GALNT1: variants seen among roughly 807,000 people sequenced by gnomAD.
GALNT1 encodes polypeptide N-acetylgalactosaminyltransferase 1, also known as GalNAc transferase 1.
Under a neutral mutation model 65.7 loss-of-function variants are expected in GALNT1, and 17 were observed. The ratio of observed to expected loss-of-function variants is 0.26; its 90% CI spans 0.18 to 0.39. GALNT1 has a LOEUF of 0.39. GALNT1 is among the 10% of genes least tolerant of loss of function. The pLI is 1.00. For missense variants in GALNT1, 460 were observed against 672.8 expected (o/e 0.68, Z 3.50); for synonymous variants, 210 against 219.7 (o/e 0.96, Z 0.39).
intron 9 of GALNT1, among the ~76,000 whole-genome samples, chr18:35,697,952 T>TAA (rs1009845623): frequency 1.3e-5 from 2 of 152,192 alleles, no homozygotes; most frequent in African/African-American, 4.8e-5. Flanking sequence ...TGAAATAACT[T>TAA]AGATCTCCTA....
At chr18:35,664,880 A>G (rs1040353332) in intron 3 of GALNT1, among the ~76,000 whole-genome samples, 23 of 152,244 alleles carry the variant, frequency 1.5e-4, no homozygotes, top group African/African-American at 5.3e-4. Flanking sequence ...CTTTCTCATC[A>G]GAATTGGATA....
intron 1 of GALNT1, among the ~76,000 whole-genome samples, chr18:35,603,816 G>C (rs1205444560): frequency 6.6e-6 from 1 of 152,132 alleles, no homozygotes; most frequent in Non-Finnish European, 1.5e-5. Context: ...ATTTCCTCGT[G>C]TTTAAGCAGT....
chr18:35,673,038 T>G (rs945577028), intron 3 of GALNT1, among the ~76,000 whole-genome samples: 1 of 152,168 alleles, frequency 6.6e-6, no homozygotes, highest in Non-Finnish European at 1.5e-5. Flanking sequence ...TGCTTTGCCC[T>G]TAGTTTTATG....
chr18:35,584,795 C>T (rs866751865), intron 1 of GALNT1, among the ~76,000 whole-genome samples: 5 of 152,112 alleles, frequency 3.3e-5, no homozygotes, highest in Admixed American at 2.0e-4. Flanking sequence ...AATTTAATGC[C>T]GCTGGTGATC....
At chr18:35,683,193 A>G (rs1003749003) in intron 4 of GALNT1, among the ~76,000 whole-genome samples, 198 bp from the exon 5 acceptor site, 1 of 152,188 alleles carries the variant, frequency 6.6e-6, no homozygotes, top group East Asian at 1.9e-4. Context: ...TCTGCATATA[A>G]TAAAATAGAG....
chr18:35,583,647 C>T (rs1348620865), intron 1 of GALNT1, among the ~76,000 whole-genome samples: 1 of 152,056 alleles, frequency 6.6e-6, no homozygotes, highest in Admixed American at 6.5e-5. Flanking sequence ...TGGTGGCATG[C>T]GTCTGTAGTC....
intron 9 of GALNT1, among the ~76,000 whole-genome samples, chr18:35,695,710 C>T (rs1251267136): frequency 2.0e-5 from 3 of 152,132 alleles, no homozygotes; most frequent in Non-Finnish European, 2.9e-5. Context: ...TGTTTTCAAA[C>T]AAGTGAGGGC....
chr18:35,582,298 C>T (rs1000245826), intron 1 of GALNT1, among the ~76,000 whole-genome samples: 25 of 152,122 alleles, frequency 1.6e-4, no homozygotes, highest in African/African-American at 6.0e-4. Flanking sequence ...CGAGGAGGAC[C>T]CGGACCTAAA....
chr18:35,689,979 T>C (rs569488494), intron 7 of GALNT1, among the ~76,000 whole-genome samples: 1 of 151,976 alleles, frequency 6.6e-6, no homozygotes, highest in South Asian at 2.1e-4. Flanking sequence ...AAAGAGAGGG[T>C]TGGACTCAAT....
rs114140489 is a variant in GALNT1 at position 35,639,800 on chromosome 18, C to A, written c.-103-14760C>A. ...TTAAATACTTTTAACTACTAGATTTCTTTTTTCTTTTGTCAGACGAAGTCT... is the reference window on the plus strand; with the variant it reads ...TTAAATACTTTTAACTACTAGATTTATTTTTTCTTTTGTCAGACGAAGTCT... On this transcript the variant is annotated intron_variant, in intron 1 of 11. Transcript: ENST00000269195. Among the ~76,000 whole-genome samples the A allele has an allele frequency of 6.4e-3, 972 of 152,016 alleles. 19 individuals are homozygous for A. Among genetic ancestry groups the A allele is most frequent in the African/African-American group, 0.022 (922 of 41,462 alleles).
chr18:35,596,062 G>A (rs1328618524), intron 1 of GALNT1: 1 of 152,182 alleles, frequency 6.6e-6, no homozygotes, highest in Admixed American at 6.5e-5. Context: ...AAACAGCAGA[G>A]AGTTTGGAGA....
At chr18:35,624,924 T>C (rs1455421247) in intron 1 of GALNT1, among the ~76,000 whole-genome samples, 1 of 152,222 alleles carries the variant, frequency 6.6e-6, no homozygotes, top group Non-Finnish European at 1.5e-5. Flanking sequence ...TTCCAGATGA[T>C]GTAGTAATAA....
intron 1 of GALNT1, among the ~76,000 whole-genome samples, chr18:35,605,386 T>C (rs1236766750): frequency 6.6e-6 from 1 of 151,694 alleles, no homozygotes; most frequent in Non-Finnish European, 1.5e-5. Context: ...AAATCTCAGC[T>C]ATTCAGGAGG....
chr18:35,677,543 T>C, intron 3 of GALNT1, 48 bp from the exon 4 acceptor site: 1 of 1,486,102 alleles, frequency 6.7e-7, no homozygotes, highest in Non-Finnish European at 9.2e-7. Context: ...TCCTTTATTA[T>C]GCAATCTTAA....
chr18:35,702,327 T>C (rs1249130530), intron 9 of GALNT1, among the ~76,000 whole-genome samples: 2 of 152,214 alleles, frequency 1.3e-5, no homozygotes, highest in African/African-American at 2.4e-5. Context: ...CTTTTAAAAC[T>C]GCAACAGTTT....
intron 1 of GALNT1, among the ~76,000 whole-genome samples, chr18:35,628,667 C>T (rs1033560551): frequency 2.6e-5 from 4 of 152,106 alleles, no homozygotes; most frequent in African/African-American, 7.3e-5. Context: ...CACCTCTCCT[C>T]CTCCAAGGGA....
Position 35,692,171 on chromosome 18 carries a change from C to A in GALNT1, c.1160-10C>A. On this transcript the variant is annotated splice_polypyrimidine_tract_variant and intron_variant, in intron 8 of 11. Coordinates refer to ENST00000269195, the MANE Select transcript of GALNT1 (RefSeq NM_020474.4). ...ACTAATAATTCAGAGTCAATTATTT[C>A]TTTCAACAGGTGTTACAAAGGTAGA... is the stretch of plus-strand genomic sequence containing the variant. The A allele has an allele frequency of 6.2e-7, 1 of 1,600,530 alleles. No homozygotes were observed. Among genetic ancestry groups the A allele is most frequent in the East Asian group, 2.2e-5 (1 of 44,540 alleles).
At chr18:35,586,233 C>T (rs7229793) in intron 1 of GALNT1, among the ~76,000 whole-genome samples, 2,087 of 152,232 alleles carry the variant, frequency 0.014, 43 homozygotes, top group African/African-American at 0.046. Flanking sequence ...GCTTATTTGT[C>T]AACTGTATAT....
chr18:35,681,410 C>A (rs2047784008), intron 4 of GALNT1, among the ~76,000 whole-genome samples: 1 of 151,820 alleles, frequency 6.6e-6, no homozygotes, highest in Admixed American at 6.6e-5. Flanking sequence ...GTGAAAGCAA[C>A]AAAGATGTCA....
Sources: gnomAD v4.1 joint callset for allele counts (sites outside exome capture counted in the v4.1 genomes callset) on GRCh38, gnomAD v4.1.1 for gene constraint, MANE v1.5 for transcripts, NCBI Gene and HGNC (gene_info 2026-07-23, HGNC 2026-07-21) for gene names.